The following SPPL2B variants were observed in gnomAD, a reference collection of about 807,000 sequenced individuals.
SPPL2B encodes signal peptide peptidase like 2B.
SPPL2B carries 39 observed loss-of-function variants against 59.7 expected under a neutral mutation model. The ratio of observed to expected loss-of-function variants is 0.65; its 90% CI spans 0.51 to 0.85. The LOEUF is 0.85. Among genes scored for constraint, SPPL2B ranks in the 40% least tolerant of loss-of-function variants. The probability of loss-of-function intolerance (pLI) is 0.00; values close to 1 mark genes in which losing one functional copy is unlikely to be tolerated. For synonymous variants in SPPL2B, 419 were observed against 370.8 expected (o/e 1.13, Z -1.49); for missense variants, 865 against 849.0 (o/e 1.02, Z -0.23).
rs1969928213 is a variant in SPPL2B at position 2,351,596 on chromosome 19, T to G, written c.1515+2T>G. ...TTCTGGACGGGCAGCGGCTTTGCGG[T>G]GAATACCAGTTTGCTCTGACTGTGA... On this transcript the variant is annotated splice_donor_variant, in intron 14 of 14. Transcript: ENST00000613503. LOFTEE classifies it high-confidence loss of function. 1 of 1,605,964 alleles carries G rather than the reference T, an allele frequency of 6.2e-7. No homozygotes were observed. Among genetic ancestry groups the G allele is most frequent in the Non-Finnish European group, 8.5e-7 (1 of 1,175,580 alleles).
chr19:2,351,487 G>A lies in SPPL2B; in HGVS notation c.1408G>A (p.Gly470Ser). The change falls in exon 14 of 15, where the codon GGC becomes AGC. Residue 470 changes from glycine (G) to serine (S), a missense_variant. Transcript: ENST00000613503. ...TFVALALMQR[G>S]QPALLYLVPC... ...CGTGGCACTGGCCCTGATGCAGCGT[G>A]GCCAGCCCGCTCTCCTCTACCTGGT... The A allele has an allele frequency of 6.2e-7, 1 of 1,610,212 alleles. No homozygotes were observed. The highest frequency in any genetic ancestry group is 8.5e-7 in the Non-Finnish European group (1 of 1,179,336).
At chr19:2,335,165 C>T (rs1345730615) in intron 2 of SPPL2B, among the ~76,000 whole-genome samples, 48 of 152,034 alleles carry the variant, frequency 3.2e-4, no homozygotes, top group Admixed American at 3.1e-3. Context: ...CCCACTTAGT[C>T]CTCATGCCCC....
At chr19:2,341,094 C>A (rs747851560) in intron 8 of SPPL2B, 80 bp downstream of exon 8, 4 of 1,037,306 alleles carry the variant, frequency 3.9e-6, no homozygotes, top group Non-Finnish European at 5.8e-6. Context: ...TGACTCCCTG[C>A]CCTCCCTGGA....
intron 13 of SPPL2B, among the ~76,000 whole-genome samples, chr19:2,349,138 T>C (rs1333488889): frequency 1.7e-4 from 8 of 46,926 alleles, no homozygotes; most frequent in Admixed American, 5.1e-4. Context: ...CACACTCGCG[T>C]TCTCATTCGC....
At chr19:2,342,882 G>A (rs892758847) in intron 8 of SPPL2B, 8 of 329,236 alleles carry the variant, frequency 2.4e-5, no homozygotes, top group Non-Finnish European at 4.2e-5. Flanking sequence ...CGTGTCCACC[G>A]TCCTGGCCCC....
At position 2,337,611 on chromosome 19, in the gene SPPL2B, A is replaced by C. The variant is rs1445019316; in HGVS notation, c.355A>C (p.Ser119Arg). Residue 119 changes from serine to arginine, a missense_variant, in exon 3 of 15, where the codon AGC (serine) becomes CGC (arginine). Coordinates refer to ENST00000613503, the MANE Select transcript of SPPL2B (RefSeq NM_152988.3). Reference sequence around the variant, plus strand: ...CGGAGCACGCGGGCTGCTCATCGTCAGCAGGGAGAGGCTGGTACGGCCCTG... The same window carrying C: ...CGGAGCACGCGGGCTGCTCATCGTCCGCAGGGAGAGGCTGGTACGGCCCTG... ...GSGARGLLIVSRERLVPPGGN... is the reference protein window; with the variant it reads ...GSGARGLLIVRRERLVPPGGN... 3.8e-6 allele frequency: 6 copies of C among 1,584,866 alleles called. No homozygotes were observed. The Admixed American group carries it at 1.0e-4, about 27-fold the overall frequency.
chr19:2,336,226 C>T (rs1320643459), intron 2 of SPPL2B, among the ~76,000 whole-genome samples: 1 of 152,066 alleles, frequency 6.6e-6, no homozygotes, highest in East Asian at 1.9e-4. Flanking sequence ...TTTATGTGCA[C>T]ATGTGCCTGT....
chr19:2,348,766 C>G (rs1296771403), intron 13 of SPPL2B, among the ~76,000 whole-genome samples: 1 of 110,250 alleles, frequency 9.1e-6, no homozygotes, highest in Admixed American at 8.6e-5. Flanking sequence ...CACACACTCA[C>G]GCGCTCTCAT....
intron 1 of SPPL2B, among the ~76,000 whole-genome samples, chr19:2,334,218 C>T (rs1363045644): frequency 2.6e-5 from 4 of 152,216 alleles, no homozygotes; most frequent in Non-Finnish European, 5.9e-5. Context: ...CCCTGCCCTG[C>T]TTCCCTGCTC....
Position 2,348,221 on chromosome 19 carries a change from T to A in SPPL2B, c.1354+2891T>A, listed in dbSNP as rs554227484. Among the ~76,000 whole-genome samples the A allele has an allele frequency of 3.2e-5, 3 of 93,594 alleles. No homozygotes were observed. In the East Asian group the frequency reaches 1.1e-3, roughly 33 times the overall value. The allele number at this position is 93,594 out of a possible 152,430, so 61.4% of individuals were successfully genotyped here. On this transcript the variant is annotated intron_variant, in intron 13 of 14. Transcript: ENST00000613503. ...CCGTTCTCTCTCCACACACACACACTCTCATTCGCCTGATTCCGTTCTCTC... is the reference window on the plus strand; with the variant it reads ...CCGTTCTCTCTCCACACACACACACACTCATTCGCCTGATTCCGTTCTCTC...
intron 8 of SPPL2B, chr19:2,341,270 A>G: frequency 3.1e-6 from 2 of 655,260 alleles, no homozygotes; most frequent in South Asian, 1.5e-5. Flanking sequence ...GCCAGGAGCC[A>G]CGTCCTCCAG....
intron 2 of SPPL2B, among the ~76,000 whole-genome samples, chr19:2,335,961 GTTT>G (rs372727521): frequency 2.7e-5 from 4 of 150,114 alleles, no homozygotes; most frequent in Non-Finnish European, 3.0e-5. Flanking sequence ...GTGCCTGAGT[GTTT>G]TTTTGTGTGT....
At position 2,334,717 on chromosome 19, in the gene SPPL2B, A is replaced by AT; in HGVS notation, c.182_183insT (p.Lys61AsnfsTer42). The AT allele has an allele frequency of 6.2e-7, 1 of 1,602,232 alleles. No homozygotes were observed. The highest frequency in any genetic ancestry group is 1.1e-5 in the South Asian group (1 of 89,640). On this transcript the variant is annotated frameshift_variant, in exon 2 of 15. Transcript: ENST00000613503. LOFTEE classifies it high-confidence loss of function. ...GCCCATCTTCCGCACGACCTCAGCA[A>AT]GGCAGTGAGTACCCGCTGGCCGGGC... is the stretch of plus-strand genomic sequence containing the variant.
chr19:2,340,789 TG>T, intron 7 of SPPL2B, 108 bp from the exon 8 acceptor site: 1 of 634,970 alleles, frequency 1.6e-6, no homozygotes, highest in Non-Finnish European at 2.7e-6. Flanking sequence ...GACAACAGAG[TG>T]GGGGCTGCCA....
At chr19:2,336,553 G>A (rs1374066013) in intron 2 of SPPL2B, among the ~76,000 whole-genome samples, 3 of 152,046 alleles carry the variant, frequency 2.0e-5, no homozygotes, top group Non-Finnish European at 2.9e-5. Context: ...ATGCATGTGT[G>A]TGTAATAGGT....
intron 2 of SPPL2B, among the ~76,000 whole-genome samples, chr19:2,336,211 C>G (rs530624404): frequency 6.6e-6 from 1 of 151,920 alleles, no homozygotes; most frequent in East Asian, 1.9e-4. Context: ...ATGTGTATGT[C>G]TGTTTTTATG....
Position 2,347,761 on chromosome 19 carries a change from C to CCA in SPPL2B, c.1354+2443_1354+2444dup, listed in dbSNP as rs766765420. On this transcript the variant is annotated intron_variant, in intron 13 of 14. Coordinates refer to ENST00000613503, the MANE Select transcript of SPPL2B (RefSeq NM_152988.3). The stretch of plus-strand genomic sequence containing the variant: ...TCATTCGCCTGATTCCGTTCTCTCT[C>CCA]CACACACACACACTCTCATTCGCCT... Among the ~76,000 whole-genome samples the CCA allele has an allele frequency of 2.4e-3, 47 of 19,994 alleles. 7 individuals carry two copies. Among genetic ancestry groups the CCA allele is most frequent in the Non-Finnish European group, 4.2e-3 (36 of 8,496 alleles). The allele number at this position is 19,994 out of a possible 152,430, so 13.1% of individuals were successfully genotyped here. A position where few individuals can be genotyped will look rare whatever the true frequency, so the allele number is the denominator to read the frequency against.
At chr19:2,348,800 C>CCA (rs1969672766) in intron 13 of SPPL2B, among the ~76,000 whole-genome samples, 1 of 129,550 alleles carries the variant, frequency 7.7e-6, no homozygotes, top group African/African-American at 2.9e-5. Flanking sequence ...TTCTCTCCCT[C>CCA]CACACACACT....
intron 13 of SPPL2B, among the ~76,000 whole-genome samples, chr19:2,346,671 AAAT>A (rs1969387822): frequency 1.3e-5 from 2 of 152,336 alleles, no homozygotes; most frequent in African/African-American, 2.4e-5. Context: ...TGTCTCGAAA[AAAT>A]AATAATAAAA....
Sources: allele counts gnomAD v4.1 joint callset (sites outside exome capture counted in the v4.1 genomes callset), GRCh38; gene constraint gnomAD v4.1.1; transcripts MANE v1.5; gene names NCBI Gene and HGNC (gene_info 2026-07-23, HGNC 2026-07-21).